Variants in NOL4L observed in about 807,000 individuals in gnomAD.
NOL4L encodes the protein nucleolar protein 4 like, also known as nucleolar protein 4-like.
A neutral mutation model predicts 64.5 loss-of-function variants in NOL4L; 7 were observed. The observed-to-expected ratio is 0.11, with a 90% CI of 0.06 to 0.20. The LOEUF (loss-of-function observed/expected upper bound fraction) is 0.20. Ranked by LOEUF, NOL4L falls within the 10% of genes least tolerant of loss-of-function variation. NOL4L has a pLI of 1.00. For synonymous variants in NOL4L, 413 were observed against 401.0 expected (o/e 1.03, Z -0.36); for missense variants, 680 against 967.1 (o/e 0.70, Z 3.94).
chr20:32,542,448 G>A (rs1401856618), intron 1 of NOL4L, among the ~76,000 whole-genome samples: 8 of 152,252 alleles, frequency 5.3e-5, no homozygotes, highest in Middle Eastern at 3.4e-3. Context: ...CGACCTCCAA[G>A]GCTTAAGCAA....
intron 10 of NOL4L, among the ~76,000 whole-genome samples, chr20:32,448,574 C>A (rs572674742): frequency 1.8e-4 from 27 of 152,314 alleles, no homozygotes; most frequent in African/African-American, 6.0e-4. Flanking sequence ...TCGAATCCCC[C>A]CTCCTGGGAG....
At chr20:32,457,754 C>T (rs1184594115) in intron 5 of NOL4L, among the ~76,000 whole-genome samples, 1 of 152,208 alleles carries the variant, frequency 6.6e-6, no homozygotes, top group Non-Finnish European at 1.5e-5. Flanking sequence ...CCACTCCCTC[C>T]ATCCTCCCGC....
intron 1 of NOL4L, chr20:32,573,773 T>A (rs1464695343): frequency 1.3e-5 from 2 of 157,562 alleles, no homozygotes; most frequent in Admixed American, 1.3e-4. Flanking sequence ...CATAAAGCCT[T>A]TCACCCCTAG....
intron 4 of NOL4L, among the ~76,000 whole-genome samples, chr20:32,481,477 A>C (rs1412338502): frequency 6.6e-6 from 1 of 152,190 alleles, no homozygotes; most frequent in Admixed American, 6.5e-5. Context: ...GTCCAGCTCC[A>C]CAGAGCCCCA....
chr20:32,456,418 G>T (rs1417866571), intron 5 of NOL4L, 23 bp from the exon 6 acceptor site: 3 of 1,449,852 alleles, frequency 2.1e-6, no homozygotes, highest in Non-Finnish European at 1.8e-6. Flanking sequence ...GCCTGGGTGT[G>T]AGGCCCCACC....
intron 4 of NOL4L, chr20:32,510,379 C>T (rs967336062): frequency 7.0e-5 from 15 of 215,154 alleles, no homozygotes; most frequent in African/African-American, 2.3e-4. Flanking sequence ...CTGGGTAACA[C>T]GGGCCAAGAT....
At chr20:32,477,598 G>A (rs2015473225) in intron 4 of NOL4L, among the ~76,000 whole-genome samples, 1 of 152,202 alleles carries the variant, frequency 6.6e-6, no homozygotes, top group Non-Finnish European at 1.5e-5. Flanking sequence ...GCATAGTGTT[G>A]GTGTTTAATG....
At chr20:32,508,876 C>A (rs1284103783) in intron 4 of NOL4L, among the ~76,000 whole-genome samples, 1 of 152,214 alleles carries the variant, frequency 6.6e-6, no homozygotes, top group African/African-American at 2.4e-5. Context: ...GTGCTTTCCC[C>A]CTTTTGCTTC....
intron 1 of NOL4L, among the ~76,000 whole-genome samples, chr20:32,539,305 A>G (rs1405609813): frequency 6.6e-6 from 1 of 152,170 alleles, no homozygotes; most frequent in East Asian, 1.9e-4. Context: ...GCAAGCAGCT[A>G]GTGGAACTGG....
intron 5 of NOL4L, among the ~76,000 whole-genome samples, chr20:32,470,437 C>A (rs1568622865): frequency 6.6e-6 from 1 of 152,252 alleles, no homozygotes; most frequent in Non-Finnish European, 1.5e-5. Context: ...GGTGCCAGGC[C>A]CTGTGCTGGG....
intron 5 of NOL4L, among the ~76,000 whole-genome samples, chr20:32,458,396 C>G (rs541806428): frequency 6.6e-6 from 1 of 152,262 alleles, no homozygotes; most frequent in African/African-American, 2.4e-5. Context: ...GAGGCACTCA[C>G]GCCTCCAACC....
chr20:32,451,229 G>A (rs535980970), intron 10 of NOL4L, among the ~76,000 whole-genome samples: 15 of 152,130 alleles, frequency 9.9e-5, no homozygotes, highest in Admixed American at 4.6e-4. Context: ...GCTTCTGAAC[G>A]ACCCCCAAAG....
chr20:32,484,279 A>C (rs2092735232), intron 4 of NOL4L, among the ~76,000 whole-genome samples: 1 of 151,910 alleles, frequency 6.6e-6, no homozygotes, highest in Non-Finnish European at 1.5e-5. Flanking sequence ...CGGGCTGGGA[A>C]AGCCAGGCAC....
chr20:32,494,271 A>AC (rs909740750), intron 4 of NOL4L, among the ~76,000 whole-genome samples: 2 of 142,144 alleles, frequency 1.4e-5, no homozygotes, highest in African/African-American at 5.7e-5. Context: ...AAAAAAAAAA[A>AC]AAAAAAAAAA....
intron 4 of NOL4L, among the ~76,000 whole-genome samples, chr20:32,499,363 T>C (rs2016827077): frequency 6.6e-6 from 1 of 152,176 alleles, no homozygotes; most frequent in African/African-American, 2.4e-5. Flanking sequence ...CTTCACATAA[T>C]GCTCATGTGG....
At chr20:32,488,738 TTTC>T (rs2016208038) in intron 4 of NOL4L, among the ~76,000 whole-genome samples, 1 of 150,734 alleles carries the variant, frequency 6.6e-6, no homozygotes, top group Non-Finnish European at 1.5e-5. Context: ...CTTTCTTTTC[TTTC>T]TTTCTTTTCC....
chr20:32,504,308 C>G (rs2017045841), intron 4 of NOL4L, among the ~76,000 whole-genome samples: 1 of 152,092 alleles, frequency 6.6e-6, no homozygotes, highest in South Asian at 2.1e-4. Context: ...CGCCTGTAAT[C>G]CCAGCACTTT....
At chr20:32,495,401 G>T (rs2016646505) in intron 4 of NOL4L, among the ~76,000 whole-genome samples, 1 of 152,178 alleles carries the variant, frequency 6.6e-6, no homozygotes, top group Non-Finnish European at 1.5e-5. Flanking sequence ...GCAAGCCAAA[G>T]CTCAGGGCTG....
rs534017949 is a variant in NOL4L, at chr20:32,515,851, G to A, written c.590-4395C>T. On this transcript the variant is annotated intron_variant, in intron 3 of 10. Transcript: ENST00000621426. ...ATCCAGCAGGTTGCTGGCAAGAGAAGCACAACAAGAGCCCAGAGAGATCTT... is the reference window on the plus strand; with the variant it reads ...ATCCAGCAGGTTGCTGGCAAGAGAAACACAACAAGAGCCCAGAGAGATCTT... 2.0e-5 allele frequency among the ~76,000 whole-genome samples: 3 copies of A among 152,300 alleles called. No individual in the cohort carries two copies. The South Asian group carries it at 6.2e-4, about 32-fold the overall frequency.
Sources: allele counts gnomAD v4.1 joint callset (sites outside exome capture counted in the v4.1 genomes callset), GRCh38; gene constraint gnomAD v4.1.1; transcripts MANE v1.5; gene names NCBI Gene and HGNC (gene_info 2026-07-23, HGNC 2026-07-21).